Variants in ATXN7L2 observed in about 807,000 individuals in gnomAD.
ATXN7L2 encodes ataxin-7-like protein 2.
A neutral mutation model predicts 59.6 loss-of-function variants in ATXN7L2; 17 were observed. The ratio of observed to expected loss-of-function variants is 0.29; its 90% CI spans 0.20 to 0.43. The LOEUF (loss-of-function observed/expected upper bound fraction) is 0.43. Ranked by LOEUF, ATXN7L2 falls within the 20% of genes least tolerant of loss-of-function variation. The pLI, the probability that ATXN7L2 is intolerant of heterozygous loss-of-function variation, is 1.00. For synonymous variants in ATXN7L2, 378 were observed against 392.5 expected, an observed-to-expected ratio of 0.96 and a Z score of 0.44; for missense variants, 858 against 1,008.9, an observed-to-expected ratio of 0.85 and a Z score of 2.03.
rs1239703737 is a variant in ATXN7L2, at chr1:109,489,972, C to T, written c.1176C>T (p.Pro392=). ...AGAGTGAATTGGATGATGAAGGCCC[C>T]TGTGGTGGTGATGGGGACCCAGGCC... ...SSESELDDEG[P]CGGDGDPGLF... The change falls in exon 8 of 11, where the codon CCC becomes CCT. Residue 392 remains proline, a synonymous_variant. Coordinates refer to ENST00000683729, the MANE Select transcript of ATXN7L2 (RefSeq NM_001350175.2). The T allele has an allele frequency of 6.2e-7, 1 of 1,613,832 alleles. No homozygotes were observed. Among genetic ancestry groups the T allele is most frequent in the Admixed American group, 1.7e-5 (1 of 60,006 alleles).
At chr1:109,484,142 C>T (rs1243866096) in intron 1 of ATXN7L2, 62 bp downstream of exon 1, 5 of 1,293,536 alleles carry the variant, frequency 3.9e-6, no homozygotes, top group East Asian at 3.3e-5. Context: ...CCCTTCCGGG[C>T]CCCCGCCAGC....
Position 109,491,843 on chromosome 1 carries a change from A to G in ATXN7L2, c.2250+126A>G. On this transcript the variant is annotated intron_variant, in intron 10 of 10. Coordinates refer to ENST00000683729, the MANE Select transcript of ATXN7L2 (RefSeq NM_001350175.2). This position sits in a 1 kb window ranked among gnomAD's most constrained non-coding sequence, Gnocchi z 4.1. ...AAGGGGAAGTTGAGAGAGTTCCTGG[A>G]CTGTTTTCTTTAGGAAGAGGTAGGT... 7.7e-7 allele frequency: 1 copy of G among 1,296,776 alleles called. No individual in the cohort carries two copies. The highest frequency in any genetic ancestry group is 1.0e-6 in the Non-Finnish European group (1 of 971,424). The allele number at this position is 1,296,776 out of a possible 1,614,324, so 80.3% of individuals were successfully genotyped here. A position where few individuals can be genotyped will look rare whatever the true frequency, so the allele number is the denominator to read the frequency against.
At chr1:109,485,708 A>G (rs1232794259) in intron 1 of ATXN7L2, 2 of 1,016,690 alleles carry the variant, frequency 2.0e-6, no homozygotes, top group Non-Finnish European at 2.4e-6. Flanking sequence ...CTTACCCACA[A>G]TCACCCAACT....
At chr1:109,484,142 C>G (rs1243866096) in intron 1 of ATXN7L2, 62 bp downstream of exon 1, 1 of 1,293,536 alleles carries the variant, frequency 7.7e-7, no homozygotes. Flanking sequence ...CCCTTCCGGG[C>G]CCCCGCCAGC....
chr1:109,492,488 A>T (rs1000721964), intron 10 of ATXN7L2, 98 bp from the exon 11 acceptor site: 2 of 1,502,364 alleles, frequency 1.3e-6, no homozygotes, highest in Non-Finnish European at 1.8e-6. Context: ...AGCAGAAGGA[A>T]ATCAAGCTTT....
Position 109,491,942 on chromosome 1 carries a change from G to A in ATXN7L2, c.2250+225G>A. On this transcript the variant is annotated intron_variant, in intron 10 of 10. Coordinates refer to ENST00000683729, the MANE Select transcript of ATXN7L2 (RefSeq NM_001350175.2). The surrounding 1 kb of genome is among the most constrained non-coding windows in gnomAD (Gnocchi z 4.1). ...TATCCCTAACCCTTTCCCTTGGGCT[G>A]AGGAGATGCGGCACCCCTCCACCCC... 8.2e-7 allele frequency: 1 copy of A among 1,220,548 alleles called. No individual in the cohort carries two copies. The highest frequency in any genetic ancestry group is 1.1e-6 in the Non-Finnish European group (1 of 938,678). The allele number at this position is 1,220,548 out of a possible 1,614,324, so 75.6% of individuals were successfully genotyped here.
At position 109,491,413 on chromosome 1, in the gene ATXN7L2, T is replaced by C. The variant is rs754303838; in HGVS notation, c.1946T>C (p.Met649Thr). ...TALSMGLNGTMGPRVKRAGPL... is the reference protein window; with the variant it reads ...TALSMGLNGTTGPRVKRAGPL... ...CTGAGCATGGGGCTTAATGGGACAA[T>C]GGGGCCAAGAGTGAAGCGGGCAGGG... Residue 649 changes from methionine to threonine, a missense_variant, in exon 10 of 11, where the codon ATG becomes ACG. Physicochemically the swap from Met to Thr is moderately conservative, Grantham distance 81 (BLOSUM62 -1). Transcript: ENST00000683729. The surrounding 1 kb of genome is among the most constrained non-coding windows in gnomAD (Gnocchi z 4.1). 1.2e-6 allele frequency: 2 copies of C among 1,614,170 alleles called. No individual in the cohort carries two copies. Among genetic ancestry groups the C allele is most frequent in the Non-Finnish European group, 1.7e-6 (2 of 1,180,032 alleles).
Position 109,492,000 on chromosome 1 carries a change from C to G in ATXN7L2, c.2250+283C>G, listed in dbSNP as rs1046833874. The G allele has an allele frequency of 1.7e-6, 2 of 1,210,692 alleles. No individual in the cohort carries two copies. Among genetic ancestry groups the G allele is most frequent in the Non-Finnish European group, 2.1e-6 (2 of 968,744 alleles). The allele number at this position is 1,210,692 out of a possible 1,614,324, so 75.0% of individuals were successfully genotyped here. Reference sequence around the variant, plus strand: ...GCTATAATCAAAGGGCTACTTCTTTCTGAATTGGCTGTGACCCTCATTCCA... The same window carrying G: ...GCTATAATCAAAGGGCTACTTCTTTGTGAATTGGCTGTGACCCTCATTCCA... On this transcript the variant is annotated intron_variant, in intron 10 of 10. Coordinates refer to ENST00000683729, the MANE Select transcript of ATXN7L2 (RefSeq NM_001350175.2). The surrounding 1 kb of genome is among the most constrained non-coding windows in gnomAD (Gnocchi z 4.1).
At chr1:109,490,637 C>T (rs1368172070) in intron 9 of ATXN7L2, among the ~76,000 whole-genome samples, 1 of 152,120 alleles carries the variant, frequency 6.6e-6, no homozygotes, top group African/African-American at 2.4e-5. Context: ...TCCATCACTT[C>T]CAGTACCTTT....
chr1:109,489,930 G>T lies in ATXN7L2; in HGVS notation c.1134G>T (p.Arg378Ser). 1 of 1,613,332 alleles carries T rather than the reference G, an allele frequency of 6.2e-7. No individual in the cohort carries two copies. Among genetic ancestry groups the T allele is most frequent in the Non-Finnish European group, 8.5e-7 (1 of 1,179,966 alleles). Residue 378 changes from arginine to serine, a missense_variant and splice_region_variant, in exon 8 of 11, where the codon AGG (arginine) becomes AGT (serine). By Grantham distance (110) the Arg-to-Ser change is moderately radical. Transcript: ENST00000683729. ...CTGGCATCCCTTTTGGCCCTTCCAGGTCCCGGGCCTCCTCCGAGAGTGAAT... is the reference window on the plus strand; with the variant it reads ...CTGGCATCCCTTTTGGCCCTTCCAGTTCCCGGGCCTCCTCCGAGAGTGAAT... ...KQTYPYCALP[R>S]SRASSESELD...
Position 109,487,504 on chromosome 1 carries a change from C to G in ATXN7L2, c.510-14C>G. On this transcript the variant is annotated splice_polypyrimidine_tract_variant and intron_variant, in intron 4 of 10. Transcript: ENST00000683729. ...CCTCCCCTCCCTCAGCCAACCCCCTCTCTCTGTGTGTAGCCTTTTCGTGCC... is the reference window on the plus strand; with the variant it reads ...CCTCCCCTCCCTCAGCCAACCCCCTGTCTCTGTGTGTAGCCTTTTCGTGCC... The G allele has an allele frequency of 6.7e-7, 1 of 1,486,904 alleles. No individual in the cohort carries two copies. Among genetic ancestry groups the G allele is most frequent in the Non-Finnish European group, 8.9e-7 (1 of 1,120,334 alleles). 92.1% of individuals were successfully genotyped at this position (1,486,904 alleles called of 1,614,324 possible).
At chr1:109,487,835 T>G (rs746841246) in intron 5 of ATXN7L2, 31 bp downstream of exon 5, 2 of 1,562,214 alleles carry the variant, frequency 1.3e-6, no homozygotes, top group South Asian at 2.4e-5. Flanking sequence ...GGGTCCAGAA[T>G]GTAGAGTGGG....
In ATXN7L2 at chr1:109,487,225, G is replaced by A; in HGVS notation, c.509+8G>A. 11 of 1,518,514 alleles carry A rather than the reference G, an allele frequency of 7.2e-6. No homozygotes were observed. Among genetic ancestry groups the A allele is most frequent in the Non-Finnish European group, 9.7e-6 (11 of 1,131,078 alleles). 94.1% of individuals were successfully genotyped at this position (1,518,514 alleles called of 1,614,324 possible). The stretch of plus-strand genomic sequence containing the variant: ...CCAGAAGGACAACCTCTGGTAAGGA[G>A]AGGCTGGAAACTTTCTAAGACTGGC... On this transcript the variant is annotated splice_region_variant and intron_variant, in intron 4 of 10. Coordinates refer to ENST00000683729, the MANE Select transcript of ATXN7L2 (RefSeq NM_001350175.2).
At chr1:109,492,014 AC>A (rs1035469604) in intron 10 of ATXN7L2, 36 of 1,182,378 alleles carry the variant, frequency 3.0e-5, no homozygotes, top group Non-Finnish European at 3.3e-5. Flanking sequence ...ATTGGCTGTG[AC>A]CCTCATTCCA....
chr1:109,491,685 C>T lies in ATXN7L2; in HGVS notation c.2218C>T (p.Leu740=), dbSNP rs752673684. 2.5e-6 allele frequency: 4 copies of T among 1,607,776 alleles called. No homozygotes were observed. The highest frequency in any genetic ancestry group is 3.4e-6 in the Non-Finnish European group (4 of 1,176,618). Residue 740 remains leucine, a synonymous_variant, in exon 10 of 11, where the codon CTG becomes TTG. Coordinates refer to ENST00000683729, the MANE Select transcript of ATXN7L2 (RefSeq NM_001350175.2). The surrounding 1 kb of genome is among the most constrained non-coding windows in gnomAD (Gnocchi z 4.1). ...SVRRKKPGPA[L]AFEEKCSTLK... ...GCGCCGCAAGAAGCCAGGCCCGGCCCTGGCCTTTGAGGAGAAGTGCTCTAC... is the reference window on the plus strand; with the variant it reads ...GCGCCGCAAGAAGCCAGGCCCGGCCTTGGCCTTTGAGGAGAAGTGCTCTAC...
At position 109,488,766 on chromosome 1, in the gene ATXN7L2, C is replaced by A; in HGVS notation, c.880-81C>A. The A allele has an allele frequency of 1.3e-6, 2 of 1,500,914 alleles. No homozygotes were observed. Among genetic ancestry groups the A allele is most frequent in the Non-Finnish European group, 1.8e-6 (2 of 1,105,102 alleles). 93.0% of individuals were successfully genotyped at this position (1,500,914 alleles called of 1,614,324 possible). A position where few individuals can be genotyped will look rare whatever the true frequency, so the allele number is the denominator to read the frequency against. On this transcript the variant is annotated intron_variant, in intron 6 of 10. Transcript: ENST00000683729. This position sits in a 1 kb window ranked among gnomAD's most constrained non-coding sequence, Gnocchi z 5.0. ...ACCTCTCTCCCTGCCCCCCAACTTG[C>A]CCGGGCCAAAGCACCCTGCCGTCCC...
chr1:109,489,865 A>G (rs1243417256), intron 7 of ATXN7L2, 65 bp from the exon 8 acceptor site: 21 of 1,578,404 alleles, frequency 1.3e-5, no homozygotes, highest in African/African-American at 1.4e-5. Flanking sequence ...CGGCAGGTTC[A>G]AGGATGCCCC....
In ATXN7L2 at chr1:109,491,442, C is replaced by T. The variant is rs757553011; in HGVS notation, c.1975C>T (p.Leu659=). 1 of 1,614,128 alleles carries T rather than the reference C, an allele frequency of 6.2e-7. No individual in the cohort carries two copies. The highest frequency in any genetic ancestry group is 8.5e-7 in the Non-Finnish European group (1 of 1,180,050). Residue 659 remains leucine, a synonymous_variant, in exon 10 of 11, where the codon CTG becomes TTG. Coordinates refer to ENST00000683729, the MANE Select transcript of ATXN7L2 (RefSeq NM_001350175.2). The surrounding 1 kb of genome is among the most constrained non-coding windows in gnomAD (Gnocchi z 4.1). ...GCCAAGAGTGAAGCGGGCAGGGCCC[C>T]TGGACTGTCGTGGCTCCCCTCATCA... ...MGPRVKRAGP[L]DCRGSPHQLP...
In ATXN7L2 at chr1:109,491,627, G is replaced by A. The variant is rs748048190; in HGVS notation, c.2160G>A (p.Gln720=). The A allele has an allele frequency of 3.7e-6, 6 of 1,613,496 alleles. No homozygotes were observed. In the Admixed American group the frequency reaches 1.0e-4, roughly 27 times the overall value. Residue 720 remains glutamine, a synonymous_variant, in exon 10 of 11, where the codon CAG becomes CAA. Coordinates refer to ENST00000683729, the MANE Select transcript of ATXN7L2 (RefSeq NM_001350175.2). This position sits in a 1 kb window ranked among gnomAD's most constrained non-coding sequence, Gnocchi z 4.1. ...YCRPVKAKHC[Q]AGAPADVACS... ...GGCCAGTGAAGGCCAAGCACTGTCA[G>A]GCTGGTGCCCCTGCTGATGTGGCCT... is the stretch of plus-strand genomic sequence containing the variant.
Sources: allele counts gnomAD v4.1 joint callset (sites outside exome capture counted in the v4.1 genomes callset), GRCh38; gene constraint gnomAD v4.1.1; non-coding constraint Gnocchi (gnomAD v3.1); transcripts MANE v1.5; gene names NCBI Gene and HGNC (gene_info 2026-07-23, HGNC 2026-07-21).